The following PRR16 variants were observed in gnomAD, a reference collection of about 807,000 sequenced individuals.
The protein encoded by PRR16 is protein Largen.
PRR16 carries 6 observed loss-of-function variants against 18.2 expected under a neutral mutation model. The ratio of observed to expected loss-of-function variants is 0.33; its 90% CI spans 0.18 to 0.65. The LOEUF (loss-of-function observed/expected upper bound fraction) is 0.65, where lower values mean the gene tolerates loss of function less well. Ranked by LOEUF, PRR16 falls within the 30% of genes least tolerant of loss-of-function variation. The pLI, the probability that PRR16 is intolerant of heterozygous loss-of-function variation, is 0.74. For missense variants in PRR16, 412 were observed against 376.6 expected, an observed-to-expected ratio of 1.09 and a Z score of -0.78; for synonymous variants, 151 against 147.8, an observed-to-expected ratio of 1.02 and a Z score of -0.16.
the PRR16 span, among the ~76,000 whole-genome samples, chr5:120,720,869 G>A: frequency 2.0e-5 from 3 of 151,870 alleles, no homozygotes; most frequent in African/African-American, 7.2e-5. Flanking sequence ...GTAAAAAGAT[G>A]GAATATTCAA....
intron 1 of PRR16, among the ~76,000 whole-genome samples, chr5:120,500,734 AT>A (rs1294204545): frequency 6.6e-6 from 1 of 152,202 alleles, no homozygotes; most frequent in Non-Finnish European, 1.5e-5. Context: ...GTATCACTAA[AT>A]AAAATCCAAA....
At chr5:120,757,460 T>A in the PRR16 span, among the ~76,000 whole-genome samples, 3 of 152,044 alleles carry the variant, frequency 2.0e-5, no homozygotes, top group Non-Finnish European at 4.4e-5. Context: ...ATGGAATGTT[T>A]CTCCATTTGT....
At chr5:120,707,964 A>G in the PRR16 span, among the ~76,000 whole-genome samples, 1 of 152,330 alleles carries the variant, frequency 6.6e-6, no homozygotes, top group African/African-American at 2.4e-5. Context: ...CTTCATCTCA[A>G]TTAGTTACTG....
chr5:120,634,678 T>C (rs984066847), intron 1 of PRR16, among the ~76,000 whole-genome samples: 1 of 151,780 alleles, frequency 6.6e-6, no homozygotes, highest in African/African-American at 2.4e-5. Flanking sequence ...AGATAACAGA[T>C]AGTATAAGGT....
At chr5:120,574,843 T>C (rs1365287806) in intron 1 of PRR16, among the ~76,000 whole-genome samples, 1 of 148,962 alleles carries the variant, frequency 6.7e-6, no homozygotes, top group African/African-American at 2.6e-5. Flanking sequence ...TTCGAGAGTG[T>C]ACTAAAGCTG....
intron 1 of PRR16, among the ~76,000 whole-genome samples, chr5:120,545,764 G>A (rs1254760803): frequency 6.6e-6 from 1 of 151,976 alleles, no homozygotes; most frequent in East Asian, 1.9e-4. Context: ...AATTTGGGTA[G>A]CCTTAGATTT....
intron 1 of PRR16, among the ~76,000 whole-genome samples, chr5:120,571,936 C>T (rs1421273110): frequency 6.6e-6 from 1 of 152,100 alleles, no homozygotes; most frequent in Middle Eastern, 3.2e-3. Flanking sequence ...GAAGGTCAGA[C>T]TCAGGTGAGT....
intron 1 of PRR16, among the ~76,000 whole-genome samples, chr5:120,570,402 G>T (rs972508576): frequency 6.6e-6 from 1 of 152,106 alleles, no homozygotes; most frequent in South Asian, 2.1e-4. Flanking sequence ...AAAGACAACC[G>T]CCAAATGCCC....
intron 1 of PRR16, among the ~76,000 whole-genome samples, chr5:120,515,913 C>G (rs781151089): frequency 7.8e-4 from 118 of 152,236 alleles, no homozygotes; most frequent in Non-Finnish European, 1.2e-3. Flanking sequence ...TTTCTTTCTT[C>G]AAGAATCTCT....
At chr5:120,498,348 T>G (rs1471874285) in intron 1 of PRR16, among the ~76,000 whole-genome samples, 1 of 149,010 alleles carries the variant, frequency 6.7e-6, no homozygotes, top group African/African-American at 2.4e-5. Context: ...TATACATATA[T>G]ATCTATAAAT....
intron 1 of PRR16, among the ~76,000 whole-genome samples, chr5:120,591,352 C>CACATAATTCT (rs890375244): frequency 1.3e-5 from 2 of 151,920 alleles, no homozygotes; most frequent in Non-Finnish European, 2.9e-5. Context: ...CGTCGATTTT[C>CACATAATTCT]ACATAATTCT....
chr5:120,542,288 A>G (rs1751940295), intron 1 of PRR16, among the ~76,000 whole-genome samples: 1 of 152,140 alleles, frequency 6.6e-6, no homozygotes, highest in African/African-American at 2.4e-5. Flanking sequence ...TCTAACTCGT[A>G]TGGCATTCTC....
At chr5:120,710,424 T>C in the PRR16 span, among the ~76,000 whole-genome samples, 1 of 152,154 alleles carries the variant, frequency 6.6e-6, no homozygotes, top group Non-Finnish European at 1.5e-5. Context: ...ACATAGTCAT[T>C]ATGGGGGCAT....
At chr5:120,487,948 G>A (rs980975591) in intron 1 of PRR16, among the ~76,000 whole-genome samples, 4 of 152,054 alleles carry the variant, frequency 2.6e-5, no homozygotes, top group South Asian at 2.1e-4. Flanking sequence ...GCTGGATTAC[G>A]TTTATTGATT....
At chr5:120,571,888 C>T (rs1752918070) in intron 1 of PRR16, among the ~76,000 whole-genome samples, 1 of 152,130 alleles carries the variant, frequency 6.6e-6, no homozygotes, top group South Asian at 2.1e-4. Flanking sequence ...TCCAAGACAG[C>T]TTCACATACA....
chr5:120,746,510 T>C, the PRR16 span, among the ~76,000 whole-genome samples: 1 of 152,204 alleles, frequency 6.6e-6, no homozygotes, highest in African/African-American at 2.4e-5. Flanking sequence ...TTCCCAATTT[T>C]GTCAATATTT....
the PRR16 span, among the ~76,000 whole-genome samples, chr5:120,724,597 T>C: frequency 2.0e-5 from 3 of 152,138 alleles, no homozygotes; most frequent in Non-Finnish European, 4.4e-5. Flanking sequence ...ATAGATTCCA[T>C]GAATCATGAT....
the PRR16 span, among the ~76,000 whole-genome samples, chr5:120,771,680 C>G: frequency 6.6e-6 from 1 of 152,024 alleles, no homozygotes; most frequent in Non-Finnish European, 1.5e-5. Flanking sequence ...GCAGCAATCA[C>G]CAGCTCTCAA....
the PRR16 span, among the ~76,000 whole-genome samples, chr5:120,755,838 C>G: frequency 6.6e-6 from 1 of 151,920 alleles, no homozygotes; most frequent in Non-Finnish European, 1.5e-5. Flanking sequence ...CACAAAAAAG[C>G]AACAAAAGAA....
Sources: allele counts gnomAD v4.1 joint callset (sites outside exome capture counted in the v4.1 genomes callset), GRCh38; gene constraint gnomAD v4.1.1; transcripts MANE v1.5; gene names NCBI Gene and HGNC (gene_info 2026-07-23, HGNC 2026-07-21).